Variants in LRP5 observed in about 807,000 individuals in gnomAD.
The protein encoded by LRP5 is LDL receptor related protein 5, also known as low-density lipoprotein receptor-related protein 5.
LRP5 carries 62 observed loss-of-function variants against 154.1 expected under a neutral mutation model. That is an observed-to-expected ratio of 0.40 (90% CI 0.33 to 0.50). The LOEUF (loss-of-function observed/expected upper bound fraction) is 0.50, where lower values mean the gene tolerates loss of function less well. Ranked by LOEUF, LRP5 falls within the 20% of genes least tolerant of loss-of-function variation. The pLI is 0.55. For missense variants in LRP5, 1,915 were observed against 2,336.7 expected, an observed-to-expected ratio of 0.82 and a Z score of 3.72; for synonymous variants, 966 against 1,011.5, an observed-to-expected ratio of 0.96 and a Z score of 0.85.
At chr11:68,418,629 C>T (rs2153170558) in intron 13 of LRP5, among the ~76,000 whole-genome samples, 1 of 152,314 alleles carries the variant, frequency 6.6e-6, no homozygotes, top group East Asian at 1.9e-4. Flanking sequence ...TCCACCAGAT[C>T]CTTCCTCCCG....
rs145362529 is a variant in LRP5 at position 68,386,599 on chromosome 11, C to T, written c.1299C>T (p.Thr433=). Residue 433 remains threonine, a synonymous_variant, in exon 6 of 23, where the codon ACC becomes ACT. Coordinates refer to ENST00000294304, the MANE Select transcript of LRP5 (RefSeq NM_002335.4). The surrounding 1 kb of genome is among the most constrained non-coding windows in gnomAD (Gnocchi z 7.9). ...VDWVARNLYW[T]DTGTDRIEVT... is the part of the protein sequence containing the mutation. ...GGGTGGCCCGAAACCTCTACTGGAC[C>T]GACACGGGCACGGACCGCATCGAGG... 292 of 1,613,530 alleles carry T rather than the reference C, an allele frequency of 1.8e-4. No individual in the cohort carries two copies. Among genetic ancestry groups the T allele is most frequent in the Non-Finnish European group, 2.3e-4 (274 of 1,179,930 alleles).
chr11:68,448,972 C>T lies in LRP5; in HGVS notation c.4750C>T (p.Leu1584=), dbSNP rs1158526480. 3.0e-5 allele frequency: 49 copies of T among 1,611,798 alleles called. No individual in the cohort carries two copies. Among genetic ancestry groups the T allele is most frequent in the Non-Finnish European group, 4.1e-5 (48 of 1,179,962 alleles). The part of the protein sequence containing the change: ...PPPPTPHSQY[L]SAEDSCPPSP... ...CCCACCCACGCCCCACAGCCAGTAC[C>T]TGTCGGCGGAGGACAGCTGCCCGCC... Residue 1584 remains leucine (L), a synonymous_variant, in exon 23 of 23, where the codon CTG becomes TTG. Coordinates refer to ENST00000294304, the MANE Select transcript of LRP5 (RefSeq NM_002335.4).
chr11:68,359,518 CAG>C lies in LRP5; in HGVS notation c.686+1672_686+1673del, dbSNP rs978911315. On this transcript the variant is annotated intron_variant, in intron 3 of 22. Transcript: ENST00000294304. Reference sequence around the variant, plus strand: ...GAGTGCCCTGGTCAAAGGATGGTGACAGGGGACAGTGAGGGTGATGGAGGTTG... The same window carrying C: ...GAGTGCCCTGGTCAAAGGATGGTGACGGGACAGTGAGGGTGATGGAGGTTG... Among the ~76,000 whole-genome samples, 8 of 152,190 alleles carry C rather than the reference CAG, an allele frequency of 5.3e-5. No individual in the cohort carries two copies. In the South Asian group the frequency reaches 8.3e-4, roughly 16 times the overall value.
chr11:68,366,720 A>C (rs536060531), intron 5 of LRP5, among the ~76,000 whole-genome samples: 1 of 152,274 alleles, frequency 6.6e-6, no homozygotes, highest in East Asian at 1.9e-4. Context: ...CGGCTGCTGC[A>C]GGGGATGGTT....
chr11:68,417,260 C>G (rs1055686517), intron 13 of LRP5, among the ~76,000 whole-genome samples: 48 of 151,952 alleles, frequency 3.2e-4, no homozygotes, highest in African/African-American at 1.2e-3. Context: ...TGGGTCATGG[C>G]CCCAGCAGTG....
At chr11:68,436,845 G>A (rs1454549589) in intron 18 of LRP5, 44 bp from the exon 19 acceptor site, 2 of 1,445,178 alleles carry the variant, frequency 1.4e-6, no homozygotes, top group Admixed American at 1.7e-5. Context: ...GGTGGGCTGG[G>A]GGGCACCCTC....
intron 4 of LRP5, among the ~76,000 whole-genome samples, chr11:68,364,388 GTA>G (rs1555077463): frequency 1.1e-4 from 17 of 149,038 alleles, no homozygotes; most frequent in Admixed American, 1.1e-3. Context: ...GTGTGTGTGT[GTA>G]TGTATTTTTA....
chr11:68,425,537 T>C (rs2098668277), intron 15 of LRP5, among the ~76,000 whole-genome samples: 1 of 152,136 alleles, frequency 6.6e-6, no homozygotes, highest in Admixed American at 6.5e-5. Flanking sequence ...CAGCAGGAGA[T>C]GGAGCAGGAC....
intron 7 of LRP5, among the ~76,000 whole-genome samples, chr11:68,396,332 C>T (rs1591274908): frequency 6.6e-6 from 1 of 152,156 alleles, no homozygotes; most frequent in South Asian, 2.1e-4. Flanking sequence ...CGTGTTTTGC[C>T]GCTCACCTTT....
chr11:68,348,288 G>C, intron 2 of LRP5, 45 bp downstream of exon 2: 1 of 1,598,142 alleles, frequency 6.3e-7, no homozygotes, highest in Non-Finnish European at 8.5e-7. Context: ...GGCGGGGAGT[G>C]TCACCATCTC....
At chr11:68,393,551 C>T (rs958427780) in intron 7 of LRP5, among the ~76,000 whole-genome samples, 2 of 152,144 alleles carry the variant, frequency 1.3e-5, no homozygotes, top group South Asian at 2.1e-4. Context: ...GAGGCCGTGG[C>T]GGGCGGATCA....
intron 1 of LRP5, among the ~76,000 whole-genome samples, chr11:68,322,971 G>A (rs1247841336): frequency 2.6e-5 from 4 of 152,218 alleles, no homozygotes; most frequent in Non-Finnish European, 5.9e-5. Flanking sequence ...GAGATGCCAC[G>A]GTGGGGGCTT....
At chr11:68,310,181 T>G (rs978536345), upstream of LRP5, among the ~76,000 whole-genome samples, 3 of 151,722 alleles carry the variant, frequency 2.0e-5, no homozygotes, top group South Asian at 2.1e-4. Context: ...GTGGTGGTGG[T>G]GGGGGGTGTG....
chr11:68,330,787 C>T (rs1401971395), intron 1 of LRP5, among the ~76,000 whole-genome samples: 1 of 152,226 alleles, frequency 6.6e-6, no homozygotes, highest in African/African-American at 2.4e-5. Context: ...GGGTGTAGCC[C>T]AGGCAAGCCC....
intron 1 of LRP5, among the ~76,000 whole-genome samples, chr11:68,341,056 G>GTTTTTTTTTTTTTTTT (rs1466472469): frequency 1.7e-4 from 9 of 51,452 alleles, no homozygotes; most frequent in Admixed American, 6.8e-4. Flanking sequence ...GCTGGAGATT[G>GTTTTTTTTTTTTTTTT]TTCTTTTTTT....
chr11:68,311,965 T>C (rs1264608894), upstream of LRP5, among the ~76,000 whole-genome samples: 1 of 152,256 alleles, frequency 6.6e-6, no homozygotes, highest in Non-Finnish European at 1.5e-5. Flanking sequence ...CAAGAGGCCC[T>C]GGCGGGCTTG....
At chr11:68,377,981 G>A (rs940300924) in intron 5 of LRP5, among the ~76,000 whole-genome samples, 5 of 152,180 alleles carry the variant, frequency 3.3e-5, no homozygotes, top group South Asian at 2.1e-4. Flanking sequence ...GGGAGCCTCC[G>A]GGGGCCACTG....
intron 21 of LRP5, among the ~76,000 whole-genome samples, chr11:68,443,878 C>T (rs1029186712): frequency 1.3e-5 from 2 of 151,528 alleles, no homozygotes; most frequent in South Asian, 2.1e-4. Context: ...AGGCTGGTCT[C>T]GAACTCGCGA....
In LRP5 at chr11:68,317,566, G is replaced by C. The variant is rs559248525; in HGVS notation, c.91+4761G>C. 1.1e-4 allele frequency among the ~76,000 whole-genome samples: 17 copies of C among 152,336 alleles called. No homozygotes were observed. The East Asian group carries it at 2.7e-3, about 24-fold the overall frequency. ...GGGGCTGCCTTCCTGGGTTGGGGGTGGGGGGAGCTCCCTGTGTCCCTAAGC... is the reference window on the plus strand; with the variant it reads ...GGGGCTGCCTTCCTGGGTTGGGGGTCGGGGGAGCTCCCTGTGTCCCTAAGC... On this transcript the variant is annotated intron_variant, in intron 1 of 22. Coordinates refer to ENST00000294304, the MANE Select transcript of LRP5 (RefSeq NM_002335.4).
Sources: gnomAD v4.1 joint callset for allele counts (sites outside exome capture counted in the v4.1 genomes callset) on GRCh38, gnomAD v4.1.1 for gene constraint, Gnocchi (gnomAD v3.1) non-coding constraint, MANE v1.5 for transcripts, NCBI Gene and HGNC (gene_info 2026-07-23, HGNC 2026-07-21) for gene names.